Variants in PHACTR3 observed in about 807,000 individuals in gnomAD.
The protein encoded by PHACTR3 is phosphatase and actin regulator 3.
Under a neutral mutation model 66.8 loss-of-function variants are expected in PHACTR3, and 16 were observed. The observed-to-expected ratio is 0.24, with a 90% CI of 0.16 to 0.36. The LOEUF is 0.36. Ranked by LOEUF, PHACTR3 falls within the 10% of genes least tolerant of loss-of-function variation. PHACTR3 has a pLI of 1.00. For synonymous variants in PHACTR3, 323 were observed against 292.1 expected (o/e 1.11, Z -1.08); for missense variants, 647 against 719.9 (o/e 0.90, Z 1.16).
chr20:59,667,955 G>A (rs1471359853), intron 1 of PHACTR3, among the ~76,000 whole-genome samples: 2 of 152,220 alleles, frequency 1.3e-5, no homozygotes, highest in African/African-American at 2.4e-5. Context: ...TAGGAAAGTC[G>A]CTGTCCTTCC....
chr20:59,756,477 C>A (rs1234330980), intron 4 of PHACTR3, among the ~76,000 whole-genome samples: 4 of 152,180 alleles, frequency 2.6e-5, no homozygotes, highest in African/African-American at 9.7e-5. Flanking sequence ...CACAACGCCC[C>A]TGCAGCGCTA....
Position 59,836,358 on chromosome 20 carries a change from C to T in PHACTR3, c.1329-147C>T, listed in dbSNP as rs1240389834. 2 of 639,638 alleles carry T rather than the reference C, an allele frequency of 3.1e-6. 1 individual carries two copies. 39.6% of individuals were successfully genotyped at this position (639,638 alleles called of 1,614,324 possible). A position where few individuals can be genotyped will look rare whatever the true frequency, so the allele number is the denominator to read the frequency against. On this transcript the variant is annotated intron_variant, in intron 8 of 12. Transcript: ENST00000371015. Reference sequence around the variant, plus strand: ...CTGACTTGATTTTGCCAGCAAGAGGCAACAACCAAAGGTTCACTTTCTCTC... The same window carrying T: ...CTGACTTGATTTTGCCAGCAAGAGGTAACAACCAAAGGTTCACTTTCTCTC...
chr20:59,782,070 G>T (rs1419789011), intron 7 of PHACTR3, among the ~76,000 whole-genome samples: 1 of 152,146 alleles, frequency 6.6e-6, no homozygotes, highest in Non-Finnish European at 1.5e-5. Context: ...AACCCTCTAG[G>T]AGCTCATGAC....
At position 59,755,379 on chromosome 20, in the gene PHACTR3, C is replaced by A. The variant is rs750490082; in HGVS notation, c.541+15C>A. The stretch of plus-strand genomic sequence containing the variant: ...GGACGATGCAGGTACTGGCTGGAGA[C>A]CACGCGAAGTTGAGCTGCTCCTAGA... On this transcript the variant is annotated intron_variant, in intron 4 of 12. Coordinates refer to ENST00000371015, the MANE Select transcript of PHACTR3 (RefSeq NM_080672.5). 5 of 1,610,834 alleles carry A rather than the reference C, an allele frequency of 3.1e-6. No homozygotes were observed. The Admixed American group carries it at 6.7e-5, about 22-fold the overall frequency.
intron 1 of PHACTR3, among the ~76,000 whole-genome samples, chr20:59,611,385 C>T (rs937238461): frequency 1.3e-5 from 2 of 152,218 alleles, no homozygotes; most frequent in South Asian, 2.1e-4. Context: ...CGGGAGGAGG[C>T]GCAGCCTGCA....
intron 1 of PHACTR3, among the ~76,000 whole-genome samples, chr20:59,610,829 T>C (rs1441776608): frequency 6.6e-6 from 1 of 152,216 alleles, no homozygotes; most frequent in Non-Finnish European, 1.5e-5. Flanking sequence ...ACAGAATGGA[T>C]GTGCCAGAGT....
chr20:59,605,846 C>CGGGGGGGGGGGGGGGGGGGG (rs200107140), intron 1 of PHACTR3, among the ~76,000 whole-genome samples: 1 of 7,762 alleles, frequency 1.3e-4, no homozygotes, highest in African/African-American at 9.2e-4. Context: ...CCTAATAAAG[C>CGGGGGGGGGGGGGGGGGGGG]GGGGGGGGAG....
chr20:59,809,918 C>T (rs757427293), intron 8 of PHACTR3, among the ~76,000 whole-genome samples: 4 of 152,252 alleles, frequency 2.6e-5, no homozygotes, highest in South Asian at 2.1e-4. Context: ...CTTTATGGTT[C>T]GCACTATTTG....
chr20:59,611,586 G>A (rs552932309), intron 1 of PHACTR3, among the ~76,000 whole-genome samples: 2 of 152,324 alleles, frequency 1.3e-5, no homozygotes, highest in East Asian at 3.9e-4. Context: ...GGAGGAGGAG[G>A]AGGAGGATGT....
At chr20:59,689,155 G>T (rs868370596) in intron 1 of PHACTR3, among the ~76,000 whole-genome samples, 1 of 152,200 alleles carries the variant, frequency 6.6e-6, no homozygotes, top group Non-Finnish European at 1.5e-5. Flanking sequence ...GAGTTGCCAC[G>T]TGGATTTGCA....
In PHACTR3 at chr20:59,662,727, C is replaced by T. The variant is rs998977330; in HGVS notation, c.118+57595C>T. On this transcript the variant is annotated intron_variant, in intron 1 of 12. Transcript: ENST00000371015. The stretch of plus-strand genomic sequence containing the variant: ...GGCAGGGGGTACAGGGCACGGTGGC[C>T]GTTTCTGCAATCGCTGAGGCAGGAG... Among the ~76,000 whole-genome samples, 11 of 152,028 alleles carry T rather than the reference C, an allele frequency of 7.2e-5. No homozygotes were observed. The South Asian group carries it at 8.3e-4, about 12-fold the overall frequency.
chr20:59,638,261 A>T (rs2034964195), intron 1 of PHACTR3, among the ~76,000 whole-genome samples: 2 of 152,184 alleles, frequency 1.3e-5, no homozygotes, highest in Non-Finnish European at 2.9e-5. Flanking sequence ...GGATGGGCCA[A>T]GCCATAGCCT....
Position 59,847,124 on chromosome 20 carries a change from G to T in PHACTR3, c.1674G>T (p.Arg558Ser). ...TTTTTATAATCTCTAGATTCCACAGGCCATAGAGATTTTCTTCTGAGAAGA... is the reference window on the plus strand; with the variant it reads ...TTTTTATAATCTCTAGATTCCACAGTCCATAGAGATTTTCTTCTGAGAAGA... ...ASSKHLTRFH[R>S]P Residue 558 changes from arginine to serine, a missense_variant, in exon 13 of 13, where the codon AGG (arginine) becomes AGT (serine). Physicochemically the swap from Arg to Ser is moderately radical, Grantham distance 110 (BLOSUM62 -1). Transcript: ENST00000371015. 6.6e-7 allele frequency: 1 copy of T among 1,518,076 alleles called. No homozygotes were observed. Among genetic ancestry groups the T allele is most frequent in the Non-Finnish European group, 9.1e-7 (1 of 1,099,642 alleles). 94.0% of individuals were successfully genotyped at this position (1,518,076 alleles called of 1,614,324 possible). A position where few individuals can be genotyped will look rare whatever the true frequency, so the allele number is the denominator to read the frequency against.
intron 7 of PHACTR3, among the ~76,000 whole-genome samples, chr20:59,797,577 C>T (rs966491973): frequency 1.3e-5 from 2 of 152,092 alleles, no homozygotes; most frequent in Non-Finnish European, 2.9e-5. Flanking sequence ...AATATAGTCT[C>T]TGTGCAGGTT....
At chr20:59,664,720 G>A (rs189692356) in intron 1 of PHACTR3, among the ~76,000 whole-genome samples, 1 of 152,324 alleles carries the variant, frequency 6.6e-6, no homozygotes, top group East Asian at 1.9e-4. Context: ...GTGTATCTCA[G>A]TGTGGCAAAG....
At chr20:59,609,953 G>A (rs1415367495) in intron 1 of PHACTR3, among the ~76,000 whole-genome samples, 1 of 152,184 alleles carries the variant, frequency 6.6e-6, no homozygotes, top group Non-Finnish European at 1.5e-5. Flanking sequence ...GAAAATGGAT[G>A]CTTTAAAATT....
At chr20:59,630,576 T>G (rs1291838505) in intron 1 of PHACTR3, among the ~76,000 whole-genome samples, 1 of 152,244 alleles carries the variant, frequency 6.6e-6, no homozygotes, top group Admixed American at 6.5e-5. Context: ...TATATTCATT[T>G]TAGACCAAGT....
At chr20:59,611,724 C>T (rs1348351212) in intron 1 of PHACTR3, among the ~76,000 whole-genome samples, 1 of 152,208 alleles carries the variant, frequency 6.6e-6, no homozygotes, top group Non-Finnish European at 1.5e-5. Context: ...GCCCCAGGTC[C>T]ACCCAGCCTC....
At chr20:59,591,854 A>G (rs778532096) in intron 1 of PHACTR3, among the ~76,000 whole-genome samples, 5 of 152,014 alleles carry the variant, frequency 3.3e-5, no homozygotes, top group Non-Finnish European at 5.9e-5. Flanking sequence ...TATATATGGT[A>G]AAAATATAAA....
Sources: gnomAD v4.1 joint callset for allele counts (sites outside exome capture counted in the v4.1 genomes callset) on GRCh38, gnomAD v4.1.1 for gene constraint, MANE v1.5 for transcripts, NCBI Gene and HGNC (gene_info 2026-07-23, HGNC 2026-07-21) for gene names.